The following NUF2 variants were observed in gnomAD, a reference collection of about 807,000 sequenced individuals.
The protein encoded by NUF2 is NUF2 component of NDC80 kinetochore complex, also known as kinetochore protein Nuf2.
NUF2 carries 34 observed loss-of-function variants against 61.8 expected under a neutral mutation model. That is an observed-to-expected ratio of 0.55 (90% CI 0.42 to 0.73). NUF2 has a LOEUF of 0.73. NUF2 is among the 30% of genes least tolerant of loss of function. The pLI is 0.00. For missense variants in NUF2, 445 were observed against 539.1 expected, an observed-to-expected ratio of 0.83 and a Z score of 1.73; for synonymous variants, 172 against 181.6, an observed-to-expected ratio of 0.95 and a Z score of 0.42.
Position 163,347,910 on chromosome 1 carries a change from G to A in NUF2, c.1096G>A (p.Val366Ile). Residue 366 changes from valine (V) to isoleucine (I), a missense_variant, in exon 12 of 14, where the codon GTT becomes ATT. Val to Ile is a conservative substitution (Grantham distance 29, BLOSUM62 3). Coordinates refer to ENST00000271452, the MANE Select transcript of NUF2 (RefSeq NM_145697.3). ...CAAAATAAATAAGAAGCATGAAGAT[G>A]TTAAGCAATACAAACGCACAGTAAT... ...QFKINKKHED[V>I]KQYKRTVIED... The A allele has an allele frequency of 6.2e-7, 1 of 1,601,744 alleles. No homozygotes were observed. Among genetic ancestry groups the A allele is most frequent in the Admixed American group, 1.7e-5 (1 of 57,536 alleles).
intron 6 of NUF2, 113 bp from the exon 7 acceptor site, chr1:163,337,907 C>CT: frequency 1.3e-6 from 1 of 772,254 alleles, no homozygotes. Context: ...AGGCCTAACT[C>CT]TATCTTAAAT....
Position 163,328,833 on chromosome 1 carries a change from C to A in NUF2, c.276-13C>A. The A allele has an allele frequency of 6.4e-7, 1 of 1,565,138 alleles. No homozygotes were observed. The highest frequency in any genetic ancestry group is 8.8e-7 in the Non-Finnish European group (1 of 1,136,440). On this transcript the variant is annotated splice_polypyrimidine_tract_variant and intron_variant, in intron 4 of 13. Transcript: ENST00000271452. ...AATACTTTTCAATAGTCTTTTTGTA[C>A]TTCATCTTCAAGGGACTCATTTTTG...
chr1:163,342,729 AG>A (rs1460098876), intron 9 of NUF2, among the ~76,000 whole-genome samples: 1 of 152,132 alleles, frequency 6.6e-6, no homozygotes, highest in Non-Finnish European at 1.5e-5. Context: ...GAGACAGAGA[AG>A]GGTACGAAAT....
chr1:163,329,709 G>T (rs1270367797), intron 5 of NUF2, among the ~76,000 whole-genome samples: 1 of 152,178 alleles, frequency 6.6e-6, no homozygotes, highest in African/African-American at 2.4e-5. Context: ...CAGCAATCAT[G>T]CTCCTTGGTA....
intron 2 of NUF2, 75 bp from the exon 3 acceptor site, chr1:163,327,413 A>G (rs1650459962): frequency 2.6e-6 from 2 of 763,702 alleles, no homozygotes; most frequent in African/African-American, 1.8e-5. Flanking sequence ...CGATTATAAT[A>G]TTGTATGGTA....
intron 5 of NUF2, 71 bp downstream of exon 5, chr1:163,328,978 T>TAAA (rs5778324): frequency 2.3e-4 from 110 of 474,784 alleles, no homozygotes; most frequent in African/African-American, 6.9e-4. Flanking sequence ...TCAGTAAATG[T>TAAA]AAAAAAAAAA....
chr1:163,345,636 GA>G, intron 10 of NUF2, 41 bp from the exon 11 acceptor site: 3 of 1,562,252 alleles, frequency 1.9e-6, no homozygotes, highest in Non-Finnish European at 1.7e-6. Flanking sequence ...GCTTCATAAA[GA>G]AGAATATCAA....
chr1:163,336,031 T>A (rs1200090382), intron 5 of NUF2, among the ~76,000 whole-genome samples: 4 of 152,224 alleles, frequency 2.6e-5, no homozygotes, highest in Admixed American at 1.3e-4. Flanking sequence ...TCTTATCTAC[T>A]AAATCTACCA....
chr1:163,324,271 G>C (rs1419410943), intron 1 of NUF2, among the ~76,000 whole-genome samples: 3 of 152,194 alleles, frequency 2.0e-5, no homozygotes, highest in Admixed American at 1.3e-4. Context: ...TTTAGTTGCA[G>C]TGACTACATA....
intron 13 of NUF2, among the ~76,000 whole-genome samples, chr1:163,350,040 G>A (rs1433915620): frequency 6.6e-6 from 1 of 151,912 alleles, no homozygotes. Context: ...GGTGGCTCAT[G>A]CCTGTAATCC....
chr1:163,335,414 G>T (rs6684879), intron 5 of NUF2, among the ~76,000 whole-genome samples: 25,691 of 152,034 alleles, frequency 0.17, 2,262 homozygotes, highest in Non-Finnish European at 0.19. Flanking sequence ...GGCTTACATT[G>T]TTTCTGATGA....
At chr1:163,355,144 T>TA (rs397981737) in intron 13 of NUF2, among the ~76,000 whole-genome samples, 191 bp from the exon 14 acceptor site, 1 of 151,658 alleles carries the variant, frequency 6.6e-6, no homozygotes. Context: ...GCAAACTTTT[T>TA]GATGTGTTTG....
intron 1 of NUF2, 107 bp from the exon 2 acceptor site, chr1:163,325,925 A>T: frequency 1.3e-6 from 1 of 742,252 alleles, no homozygotes; most frequent in Non-Finnish European, 2.3e-6. Flanking sequence ...AGTTAACACT[A>T]CTATGAATAG....
intron 6 of NUF2, 70 bp downstream of exon 6, chr1:163,336,918 T>G: frequency 1.0e-6 from 1 of 973,662 alleles, no homozygotes; most frequent in Non-Finnish European, 1.6e-6. Flanking sequence ...ATAATCTGTT[T>G]TGAAATGATT....
chr1:163,355,576 G>T lies in NUF2; in HGVS notation c.*107G>T. Reference sequence around the variant, plus strand: ...AGTATCAGAAGTACCAAATAATGTTGGCTTCATCAGTTTTTATACACTCTC... The same window carrying T: ...AGTATCAGAAGTACCAAATAATGTTTGCTTCATCAGTTTTTATACACTCTC... On this transcript the variant is annotated 3_prime_UTR_variant, in exon 14 of 14. Coordinates refer to ENST00000271452, the MANE Select transcript of NUF2 (RefSeq NM_145697.3). 1 of 919,420 alleles carries T rather than the reference G, an allele frequency of 1.1e-6. No homozygotes were observed. Among genetic ancestry groups the T allele is most frequent in the South Asian group, 2.1e-5 (1 of 48,028 alleles). The allele number at this position is 919,420 out of a possible 1,614,324, so 57.0% of individuals were successfully genotyped here. A position where few individuals can be genotyped will look rare whatever the true frequency, so the allele number is the denominator to read the frequency against.
intron 7 of NUF2, 48 bp downstream of exon 7, chr1:163,338,141 A>G: frequency 7.0e-7 from 1 of 1,428,294 alleles, no homozygotes; most frequent in Non-Finnish European, 9.9e-7. Flanking sequence ...CAAAATGCAA[A>G]ATGAATTGTA....
chr1:163,322,533 A>C (rs1324451494), intron 1 of NUF2, among the ~76,000 whole-genome samples: 1 of 152,248 alleles, frequency 6.6e-6, no homozygotes, highest in Non-Finnish European at 1.5e-5. Flanking sequence ...AGAGCAGCGC[A>C]TATATAGCAC....
intron 12 of NUF2, 83 bp downstream of exon 12, chr1:163,348,021 C>T (rs12758792): frequency 0.17 from 172,886 of 1,007,490 alleles, 16,051 homozygotes; most frequent in Non-Finnish European, 0.18. Context: ...TTCAAAACCT[C>T]GGTATTTTCC....
chr1:163,347,675 T>G, intron 11 of NUF2, 88 bp from the exon 12 acceptor site: 1 of 945,816 alleles, frequency 1.1e-6, no homozygotes, highest in African/African-American at 1.7e-5. Flanking sequence ...TTGTGTTTAA[T>G]TATAGTTCAT....
Sources: gnomAD v4.1 joint callset for allele counts (sites outside exome capture counted in the v4.1 genomes callset) on GRCh38, gnomAD v4.1.1 for gene constraint, MANE v1.5 for transcripts, NCBI Gene and HGNC (gene_info 2026-07-23, HGNC 2026-07-21) for gene names.